The following PRKCA variants were observed in gnomAD, a reference collection of about 807,000 sequenced individuals.
PRKCA encodes protein kinase C alpha type.
In PRKCA, 27 loss-of-function variants were observed where a neutral mutation model predicts 87.0. The observed-to-expected ratio is 0.31, with a 90% CI of 0.23 to 0.43. PRKCA has a LOEUF of 0.43. PRKCA is among the 20% of genes least tolerant of loss of function. The probability of loss-of-function intolerance (pLI) is 1.00; values close to 1 mark genes in which losing one functional copy is unlikely to be tolerated. For synonymous variants in PRKCA, 329 were observed against 311.1 expected (o/e 1.06, Z -0.61); for missense variants, 518 against 852.3 (o/e 0.61, Z 4.88).
At chr17:66,648,155 C>T (rs1971501046) in intron 5 of PRKCA, among the ~76,000 whole-genome samples, 1 of 152,200 alleles carries the variant, frequency 6.6e-6, no homozygotes, top group South Asian at 2.1e-4. Flanking sequence ...TGTGTCCTCA[C>T]ATGGTGCAAG....
At chr17:66,438,484 A>G (rs1913535876) in intron 2 of PRKCA, among the ~76,000 whole-genome samples, 1 of 152,192 alleles carries the variant, frequency 6.6e-6, no homozygotes, top group Admixed American at 6.5e-5. Context: ...GCTTTAGGAA[A>G]CAAGTTGTTT....
intron 2 of PRKCA, among the ~76,000 whole-genome samples, chr17:66,443,326 G>A (rs1913869037): frequency 6.6e-6 from 1 of 152,172 alleles, no homozygotes; most frequent in South Asian, 2.1e-4. Flanking sequence ...AGTAACTTAG[G>A]GGAAAACTAT....
chr17:66,370,738 C>T (rs865786020), intron 2 of PRKCA, among the ~76,000 whole-genome samples: 12 of 151,626 alleles, frequency 7.9e-5, no homozygotes, highest in African/African-American at 2.4e-4. Context: ...TTTGTAGAGA[C>T]GGGGTCTCAT....
intron 8 of PRKCA, among the ~76,000 whole-genome samples, chr17:66,701,698 C>A (rs1004405090): frequency 6.6e-6 from 1 of 152,042 alleles, no homozygotes; most frequent in Non-Finnish European, 1.5e-5. Context: ...AAATGGCCAA[C>A]AGGTAAAGGA....
intron 3 of PRKCA, among the ~76,000 whole-genome samples, chr17:66,639,847 A>C (rs1050293049): frequency 9.9e-5 from 15 of 152,070 alleles, no homozygotes; most frequent in African/African-American, 3.4e-4. Context: ...AAATTAAAAA[A>C]AATTAGGTGT....
chr17:66,385,585 G>T (rs191175846), intron 2 of PRKCA, among the ~76,000 whole-genome samples: 12 of 152,202 alleles, frequency 7.9e-5, no homozygotes, highest in African/African-American at 2.9e-4. Flanking sequence ...AATAGATCCT[G>T]GTATGGTGGC....
chr17:66,798,471 T>TGAC lies in PRKCA; in HGVS notation c.1855-5401_1855-5400insACG, dbSNP rs1598953267. Among the ~76,000 whole-genome samples the TGAC allele has an allele frequency of 4.9e-3, 190 of 38,540 alleles. 3 individuals carry two copies. Among genetic ancestry groups the TGAC allele is most frequent in the East Asian group, 6.0e-3 (7 of 1,166 alleles). 25.3% of individuals were successfully genotyped at this position (38,540 alleles called of 152,430 possible). On this transcript the variant is annotated intron_variant, in intron 16 of 16. Coordinates refer to ENST00000413366, the MANE Select transcript of PRKCA (RefSeq NM_002737.3). ...GTGGTGACGGTGGTGGTGGTGGTGGTGGTGGTGGTGGTGGTGACGGTGGTG... is the reference window on the plus strand; with the variant it reads ...GTGGTGACGGTGGTGGTGGTGGTGGTGACGGTGGTGGTGGTGGTGACGGTGGTG...
At chr17:66,799,571 G>GTGA (rs1568042641) in intron 16 of PRKCA, among the ~76,000 whole-genome samples, 1 of 7,138 alleles carries the variant, frequency 1.4e-4, no homozygotes, top group Admixed American at 1.4e-3. Flanking sequence ...GGTGGTGATG[G>GTGA]TGGTGGTGGT....
At chr17:66,485,445 G>A (rs983231235) in intron 2 of PRKCA, among the ~76,000 whole-genome samples, 1 of 152,202 alleles carries the variant, frequency 6.6e-6, no homozygotes, top group Non-Finnish European at 1.5e-5. Flanking sequence ...TATGCCCTTA[G>A]CGAGGGAGAG....
chr17:66,732,895 G>A (rs967591049), intron 9 of PRKCA, 70 bp downstream of exon 9: 75 of 1,552,400 alleles, frequency 4.8e-5, no homozygotes, highest in Non-Finnish European at 5.8e-5. Flanking sequence ...TGTTCTCCTC[G>A]TAGTTTGCAG....
In PRKCA at chr17:66,804,675, T is replaced by C. The variant is rs1359086151; in HGVS notation, c.*638T>C. The C allele has an allele frequency of 1.3e-5, 2 of 152,528 alleles. No homozygotes were observed. Among genetic ancestry groups the C allele is most frequent in the Non-Finnish European group, 2.9e-5 (2 of 68,130 alleles). 9.4% of individuals were successfully genotyped at this position (152,528 alleles called of 1,614,324 possible). On this transcript the variant is annotated 3_prime_UTR_variant, in exon 17 of 17. Coordinates refer to ENST00000413366, the MANE Select transcript of PRKCA (RefSeq NM_002737.3). ...TTTAAACAAAAAAACCTCAGATGAGTGTTGGGTGAATCTGTCATCTGGTAC... is the reference window on the plus strand; with the variant it reads ...TTTAAACAAAAAAACCTCAGATGAGCGTTGGGTGAATCTGTCATCTGGTAC...
rs1028626637 is a variant in PRKCA, at chr17:66,792,273, C to A, written c.1854+3294C>A. On this transcript the variant is annotated intron_variant, in intron 16 of 16. Coordinates refer to ENST00000413366, the MANE Select transcript of PRKCA (RefSeq NM_002737.3). The surrounding 1 kb of genome is among the most constrained non-coding windows in gnomAD (Gnocchi z 4.5). The stretch of plus-strand genomic sequence containing the variant: ...TAAACCTTTGCTTACTACCAAATAC[C>A]AGTAGCGGGACTTCAGGTTCTCACA... 6.6e-6 allele frequency among the ~76,000 whole-genome samples: 1 copy of A among 152,216 alleles called. No individual in the cohort carries two copies. Among genetic ancestry groups the A allele is most frequent in the African/African-American group, 2.4e-5 (1 of 41,458 alleles).
intron 16 of PRKCA, among the ~76,000 whole-genome samples, chr17:66,800,929 C>G (rs1016438185): frequency 1.3e-5 from 2 of 152,206 alleles, no homozygotes; most frequent in Non-Finnish European, 2.9e-5. Flanking sequence ...AAGAGAAGCA[C>G]AGATGATCTC....
intron 8 of PRKCA, among the ~76,000 whole-genome samples, chr17:66,710,540 G>A (rs1050973822): frequency 4.0e-5 from 6 of 151,860 alleles, no homozygotes; most frequent in Non-Finnish European, 8.8e-5. Context: ...TGTGGCTCCC[G>A]GGCCTCAGCC....
chr17:66,717,478 C>T (rs1271846833), intron 8 of PRKCA, among the ~76,000 whole-genome samples: 2 of 152,206 alleles, frequency 1.3e-5, no homozygotes, highest in Non-Finnish European at 2.9e-5. Flanking sequence ...AGACATATCG[C>T]GGTGCCCCCT....
At chr17:66,364,961 C>G (rs564004156) in intron 2 of PRKCA, among the ~76,000 whole-genome samples, 1 of 152,172 alleles carries the variant, frequency 6.6e-6, no homozygotes, top group East Asian at 1.9e-4. Context: ...TCTAATTGTA[C>G]CAGGTTTTTG....
At chr17:66,508,737 ACT>A (rs1338582204) in intron 3 of PRKCA, among the ~76,000 whole-genome samples, 1 of 152,026 alleles carries the variant, frequency 6.6e-6, no homozygotes, top group Non-Finnish European at 1.5e-5. Flanking sequence ...CTCCATAGCC[ACT>A]GTCTTTGTGA....
At position 66,810,167 on chromosome 17, in the gene PRKCA, A is replaced by T. The variant is rs1372626259; in HGVS notation, c.*6130A>T. On this transcript the variant is annotated 3_prime_UTR_variant, in exon 17 of 17. Coordinates refer to ENST00000413366, the MANE Select transcript of PRKCA (RefSeq NM_002737.3). ...AGGTGGCTTTGCATTTTCTGATTAA[A>T]CGACTGTGTCTTTGTCACCTCTGCT... 1 of 152,226 alleles carries T rather than the reference A, an allele frequency of 6.6e-6. No homozygotes were observed. Among genetic ancestry groups the T allele is most frequent in the African/African-American group, 2.4e-5 (1 of 41,464 alleles). The allele number at this position is 152,226 out of a possible 1,614,324, so 9.4% of individuals were successfully genotyped here. A position where few individuals can be genotyped will look rare whatever the true frequency, so the allele number is the denominator to read the frequency against.
At chr17:66,623,801 G>A (rs564789840) in intron 3 of PRKCA, among the ~76,000 whole-genome samples, 14 of 152,318 alleles carry the variant, frequency 9.2e-5, no homozygotes, top group Middle Eastern at 3.4e-3. Flanking sequence ...GTAGGAGGCA[G>A]GCACAGTTGA....
Sources: gnomAD v4.1 joint callset for allele counts (sites outside exome capture counted in the v4.1 genomes callset) on GRCh38, gnomAD v4.1.1 for gene constraint, Gnocchi (gnomAD v3.1) non-coding constraint, MANE v1.5 for transcripts, NCBI Gene and HGNC (gene_info 2026-07-23, HGNC 2026-07-21) for gene names.